Variants in RALYL observed in about 807,000 individuals in gnomAD.
RALYL encodes the protein RALY RNA binding protein like, also known as RNA-binding Raly-like protein.
Under a neutral mutation model 35.1 loss-of-function variants are expected in RALYL, and 29 were observed. That is an observed-to-expected ratio of 0.83 (90% confidence interval 0.61 to 1.13). The LOEUF (loss-of-function observed/expected upper bound fraction) is 1.13. Among genes scored for constraint, RALYL ranks in the 50% most tolerant of loss-of-function variants. RALYL has a pLI of 0.00. For missense variants in RALYL, 359 were observed against 360.4 expected (o/e 1.00, Z 0.03); for synonymous variants, 120 against 127.6 (o/e 0.94, Z 0.40).
intron 1 of RALYL, among the ~76,000 whole-genome samples, chr8:84,464,802 G>A (rs1478387644): frequency 1.4e-5 from 2 of 147,630 alleles, no homozygotes; most frequent in African/African-American, 5.0e-5. Context: ...TCCAGCACCT[G>A]TTGTTTCCTG....
At chr8:84,604,617 G>C in intron 2 of RALYL, among the ~76,000 whole-genome samples, 1 of 152,098 alleles carries the variant, frequency 6.6e-6, no homozygotes, top group South Asian at 2.1e-4. Context: ...ATACAGGAAA[G>C]CTTGCCACAC....
chr8:84,287,794 T>C (rs1418859945), intron 1 of RALYL, among the ~76,000 whole-genome samples: 1 of 152,144 alleles, frequency 6.6e-6, no homozygotes, highest in Non-Finnish European at 1.5e-5. Flanking sequence ...AATTGGAGAA[T>C]GGTTAGAAAT....
At chr8:84,802,828 C>T (rs533524131) in intron 3 of RALYL, among the ~76,000 whole-genome samples, 1 of 152,152 alleles carries the variant, frequency 6.6e-6, no homozygotes, top group African/African-American at 2.4e-5. Context: ...GTTGAAGTGA[C>T]TTTGAACAAA....
At chr8:84,318,097 G>A (rs766779783) in intron 1 of RALYL, among the ~76,000 whole-genome samples, 2 of 152,082 alleles carry the variant, frequency 1.3e-5, no homozygotes, top group Non-Finnish European at 2.9e-5. Flanking sequence ...TGGTAGGACT[G>A]GCTACATCAT....
intron 1 of RALYL, among the ~76,000 whole-genome samples, chr8:84,391,389 C>T (rs1860665946): frequency 6.6e-6 from 1 of 151,938 alleles, no homozygotes; most frequent in South Asian, 2.1e-4. Context: ...ACTTTTAAAG[C>T]ACTCATTTAC....
At chr8:84,605,480 T>C (rs1044111271) in intron 2 of RALYL, among the ~76,000 whole-genome samples, 6 of 152,032 alleles carry the variant, frequency 3.9e-5, no homozygotes, top group African/African-American at 1.4e-4. Flanking sequence ...TGTGCTCCAT[T>C]CACCTGGTGC....
chr8:84,258,405 T>A (rs1359971951), intron 1 of RALYL, among the ~76,000 whole-genome samples: 1 of 152,112 alleles, frequency 6.6e-6, no homozygotes, highest in Non-Finnish European at 1.5e-5. Flanking sequence ...GTAAATACAG[T>A]CCTGCAGAAA....
At chr8:84,843,443 A>G (rs1424376617) in intron 4 of RALYL, among the ~76,000 whole-genome samples, 2 of 152,198 alleles carry the variant, frequency 1.3e-5, no homozygotes, top group African/African-American at 4.8e-5. Context: ...GAGAACTACA[A>G]ACCACTGCTC....
At chr8:84,235,374 A>T (rs1314406004) in intron 1 of RALYL, among the ~76,000 whole-genome samples, 2 of 152,186 alleles carry the variant, frequency 1.3e-5, no homozygotes, top group Non-Finnish European at 2.9e-5. Context: ...CTCTTCCACA[A>T]TAAGATTTGA....
At chr8:84,704,428 A>G (rs1363155170) in intron 2 of RALYL, among the ~76,000 whole-genome samples, 1 of 144,762 alleles carries the variant, frequency 6.9e-6, no homozygotes, top group Non-Finnish European at 1.5e-5. Flanking sequence ...CTATACCACC[A>G]GCCCCCCAAT....
intron 1 of RALYL, among the ~76,000 whole-genome samples, chr8:84,403,632 G>T (rs2043171324): frequency 7.5e-6 from 1 of 133,194 alleles, no homozygotes; most frequent in African/African-American, 2.8e-5. Flanking sequence ...CTCCAGCTTT[G>T]TTCTTTTTGC....
intron 1 of RALYL, among the ~76,000 whole-genome samples, chr8:84,325,665 A>G (rs1845663261): frequency 6.6e-6 from 1 of 152,164 alleles, no homozygotes; most frequent in Non-Finnish European, 1.5e-5. Context: ...TTGCTAGGTT[A>G]GAGATGAAGA....
chr8:84,549,334 C>T (rs1482194673), intron 2 of RALYL, among the ~76,000 whole-genome samples: 1 of 152,098 alleles, frequency 6.6e-6, no homozygotes, highest in Non-Finnish European at 1.5e-5. Context: ...ACAATGCCAC[C>T]CCCTTCCAAT....
chr8:84,678,084 AT>A (rs1350934304), intron 2 of RALYL, among the ~76,000 whole-genome samples: 8 of 151,900 alleles, frequency 5.3e-5, no homozygotes, highest in Admixed American at 2.6e-4. Context: ...TAAATTTCAA[AT>A]TCCACCGATA....
intron 1 of RALYL, among the ~76,000 whole-genome samples, chr8:84,466,310 A>G (rs1316570738): frequency 1.4e-5 from 2 of 142,622 alleles, no homozygotes; most frequent in African/African-American, 5.4e-5. Flanking sequence ...ATTTTGAAAT[A>G]CGTCCCATCA....
At chr8:84,689,539 C>G (rs1029212965) in intron 2 of RALYL, among the ~76,000 whole-genome samples, 12 of 152,138 alleles carry the variant, frequency 7.9e-5, no homozygotes, top group African/African-American at 2.9e-4. Flanking sequence ...AATAAACATA[C>G]GTGTGCATGT....
chr8:84,519,693 G>A (rs74421869), intron 1 of RALYL, among the ~76,000 whole-genome samples: 43 of 152,260 alleles, frequency 2.8e-4, no homozygotes, highest in African/African-American at 9.9e-4. Flanking sequence ...CTTTTAAAAT[G>A]AGAAATCTCC....
At chr8:84,415,204 C>CG (rs1554654379) in intron 1 of RALYL, among the ~76,000 whole-genome samples, 20 of 129,298 alleles carry the variant, frequency 1.5e-4, no homozygotes, top group East Asian at 1.1e-3. Context: ...TGCAGACACT[C>CG]GTTTTTTTTT....
At chr8:84,278,134 A>G (rs1489479781) in intron 1 of RALYL, among the ~76,000 whole-genome samples, 1 of 152,244 alleles carries the variant, frequency 6.6e-6, no homozygotes, top group African/African-American at 2.4e-5. Flanking sequence ...AGGAGTTTCC[A>G]TACATCCTCT....
Sources: gnomAD v4.1 joint callset for allele counts (sites outside exome capture counted in the v4.1 genomes callset) on GRCh38, gnomAD v4.1.1 for gene constraint, MANE v1.5 for transcripts, NCBI Gene and HGNC (gene_info 2026-07-23, HGNC 2026-07-21) for gene names.